ENOX1: variants seen among roughly 807,000 people sequenced by gnomAD.
The protein encoded by ENOX1 is candidate growth-related and time keeping constitutive hydroquinone (NADH) oxidase.
Under a neutral mutation model 82.5 loss-of-function variants are expected in ENOX1, and 42 were observed. The ratio of observed to expected loss-of-function variants is 0.51; its 90% CI spans 0.40 to 0.66. The LOEUF is 0.66. Ranked by LOEUF, ENOX1 falls within the 30% of genes least tolerant of loss-of-function variation. The probability of loss-of-function intolerance (pLI) is 0.00; values close to 1 mark genes in which losing one functional copy is unlikely to be tolerated. For synonymous variants in ENOX1, 271 were observed against 282.2 expected (o/e 0.96, Z 0.40); for missense variants, 608 against 811.6 (o/e 0.75, Z 3.05).
At chr13:43,766,371 A>C (rs1433393292) in intron 1 of ENOX1, among the ~76,000 whole-genome samples, 3 of 152,204 alleles carry the variant, frequency 2.0e-5, no homozygotes, top group Non-Finnish European at 4.4e-5. Flanking sequence ...TTCTAACCAA[A>C]ACACTTTCTT....
At chr13:43,526,232 C>G (rs1453949229) in intron 2 of ENOX1, among the ~76,000 whole-genome samples, 1 of 152,120 alleles carries the variant, frequency 6.6e-6, no homozygotes, top group Non-Finnish European at 1.5e-5. Context: ...AATGTCCCAG[C>G]TCACTACAGC....
At chr13:43,555,942 G>T (rs886539353) in intron 2 of ENOX1, among the ~76,000 whole-genome samples, 1 of 152,182 alleles carries the variant, frequency 6.6e-6, no homozygotes, top group Non-Finnish European at 1.5e-5. Flanking sequence ...CAAAGTAGAG[G>T]AAGGTTTGGC....
At chr13:43,245,092 C>CT (rs2043018681) in intron 14 of ENOX1, among the ~76,000 whole-genome samples, 1 of 152,206 alleles carries the variant, frequency 6.6e-6, no homozygotes, top group South Asian at 2.1e-4. Flanking sequence ...TCCCTTCACA[C>CT]TTTCCTTTAT....
At chr13:43,487,895 T>C (rs1014658474) in intron 2 of ENOX1, among the ~76,000 whole-genome samples, 3 of 152,232 alleles carry the variant, frequency 2.0e-5, no homozygotes, top group African/African-American at 7.2e-5. Flanking sequence ...AAATGTCTTA[T>C]TGCATTAATG....
intron 1 of ENOX1, among the ~76,000 whole-genome samples, chr13:43,761,669 G>A (rs1486544240): frequency 1.3e-5 from 2 of 152,096 alleles, no homozygotes; most frequent in Admixed American, 6.5e-5. Context: ...CTCCTTCTTC[G>A]CCTCTGCATC....
rs570817722 is a variant in ENOX1, at chr13:43,397,069, G to T, written c.208+14847C>A. ...TTCCCAGTCTTCTCCGGTGGGTGAG[G>T]CCTGCGGCACACTGGGCTCTTCTGG... On this transcript the variant is annotated intron_variant, in intron 5 of 16. Coordinates refer to ENST00000690772, the MANE Select transcript of ENOX1 (RefSeq NM_001347969.2). Among the ~76,000 whole-genome samples, 125 of 152,304 alleles carry T rather than the reference G, an allele frequency of 8.2e-4. 5 individuals are homozygous for T. The South Asian group carries it at 0.025, about 30-fold the overall frequency.
rs374796469 is a variant in ENOX1, at chr13:43,678,368, G to A, written c.-284-10824C>T. 9.9e-5 allele frequency among the ~76,000 whole-genome samples: 15 copies of A among 152,154 alleles called. No individual in the cohort carries two copies. In the East Asian group the frequency reaches 1.5e-3, roughly 16 times the overall value. On this transcript the variant is annotated intron_variant, in intron 1 of 16. Transcript: ENST00000690772. Reference sequence around the variant, plus strand: ...ATCACATCCTTATGATTTTTGTCACGTCTTTATTATGTAACATAGTATCCT... The same window carrying A: ...ATCACATCCTTATGATTTTTGTCACATCTTTATTATGTAACATAGTATCCT...
chr13:43,693,376 C>G (rs1388502523), intron 1 of ENOX1, among the ~76,000 whole-genome samples: 6 of 152,160 alleles, frequency 3.9e-5, no homozygotes, highest in African/African-American at 1.4e-4. Flanking sequence ...GCCATTTTAA[C>G]TAAATTATAC....
chr13:43,284,974 A>G (rs1350095548), intron 12 of ENOX1, among the ~76,000 whole-genome samples: 1 of 152,194 alleles, frequency 6.6e-6, no homozygotes, highest in Non-Finnish European at 1.5e-5. Flanking sequence ...AACAGAAAGT[A>G]CAAAAACCAG....
intron 2 of ENOX1, among the ~76,000 whole-genome samples, chr13:43,487,415 A>G (rs1270854544): frequency 6.6e-6 from 1 of 152,208 alleles, no homozygotes; most frequent in Non-Finnish European, 1.5e-5. Flanking sequence ...AGAATATGAT[A>G]TACTTTAGAA....
intron 1 of ENOX1, among the ~76,000 whole-genome samples, chr13:43,702,717 G>T (rs772115477): frequency 6.6e-6 from 1 of 152,008 alleles, no homozygotes; most frequent in Non-Finnish European, 1.5e-5. Context: ...TTGGGAGGCC[G>T]AGGTGGGTGG....
chr13:43,436,549 T>A (rs1446904660), intron 3 of ENOX1, among the ~76,000 whole-genome samples: 3 of 152,196 alleles, frequency 2.0e-5, no homozygotes, highest in African/African-American at 7.2e-5. Flanking sequence ...AGGATAGGAA[T>A]GGCAGGAGTC....
chr13:43,646,631 G>C (rs967446856), intron 2 of ENOX1, among the ~76,000 whole-genome samples: 1 of 152,114 alleles, frequency 6.6e-6, no homozygotes, highest in Non-Finnish European at 1.5e-5. Context: ...TTGATTACAT[G>C]CTGTCACAGG....
At chr13:43,251,125 A>G (rs746021555) in intron 14 of ENOX1, among the ~76,000 whole-genome samples, 2 of 152,266 alleles carry the variant, frequency 1.3e-5, no homozygotes, top group South Asian at 2.1e-4. Context: ...CTCAGAGAAC[A>G]TAAGACTCAC....
At chr13:43,589,214 T>TG (rs1189442326) in intron 2 of ENOX1, among the ~76,000 whole-genome samples, 29 of 35,472 alleles carry the variant, frequency 8.2e-4, no homozygotes, top group Admixed American at 6.5e-3. Context: ...TGGACATTAA[T>TG]GGAAAAAAAA....
intron 2 of ENOX1, among the ~76,000 whole-genome samples, chr13:43,648,962 T>C (rs2084024210): frequency 6.6e-6 from 1 of 152,164 alleles, no homozygotes. Context: ...AATGCATTGC[T>C]CAGGGTTAGA....
intron 1 of ENOX1, among the ~76,000 whole-genome samples, chr13:43,697,120 G>C (rs1382353807): frequency 6.6e-6 from 1 of 152,176 alleles, no homozygotes; most frequent in Non-Finnish European, 1.5e-5. Flanking sequence ...TTAACAGAAA[G>C]GATGGTCAAA....
At chr13:43,391,173 A>ACTT (rs750050894) in intron 5 of ENOX1, among the ~76,000 whole-genome samples, 3 of 152,060 alleles carry the variant, frequency 2.0e-5, no homozygotes, top group Admixed American at 1.3e-4. Flanking sequence ...GCCGGCTACT[A>ACTT]CTTGGCTGAA....
chr13:43,511,803 CTG>C (rs2077378746), intron 2 of ENOX1, among the ~76,000 whole-genome samples: 1 of 152,166 alleles, frequency 6.6e-6, no homozygotes, highest in African/African-American at 2.4e-5. Context: ...CTGCTTCAAA[CTG>C]TAATAATCTT....
Sources: gnomAD v4.1 joint callset for allele counts (sites outside exome capture counted in the v4.1 genomes callset) on GRCh38, gnomAD v4.1.1 for gene constraint, MANE v1.5 for transcripts, NCBI Gene and HGNC (gene_info 2026-07-23, HGNC 2026-07-21) for gene names.